COL5A1: variants seen among roughly 807,000 people sequenced by gnomAD.
The protein encoded by COL5A1 is collagen alpha-1(V) chain.
COL5A1 carries 16 observed loss-of-function variants against 263.7 expected under a neutral mutation model. That is an observed-to-expected ratio of 0.06 (90% confidence interval 0.04 to 0.09). COL5A1 has a LOEUF of 0.09. COL5A1 is among the 10% of genes least tolerant of loss of function. COL5A1 has a pLI of 1.00. For missense variants in COL5A1, 2,036 were observed against 2,540.5 expected, an observed-to-expected ratio of 0.80 and a Z score of 4.27; for synonymous variants, 1,012 against 1,004.5, an observed-to-expected ratio of 1.01 and a Z score of -0.14.
At chr9:134,690,885 A>G (rs747690222) in intron 1 of COL5A1, 27 bp from the exon 2 acceptor site, 4 of 1,613,058 alleles carry the variant, frequency 2.5e-6, no homozygotes, top group Non-Finnish European at 3.4e-6. Context: ...CTCCGTGGCT[A>G]ACTCTGCTCC....
At chr9:134,835,881 G>A (rs1839836303) in intron 65 of COL5A1, among the ~76,000 whole-genome samples, 1 of 152,204 alleles carries the variant, frequency 6.6e-6, no homozygotes, top group South Asian at 2.1e-4. Context: ...CATCGCACAG[G>A]TCTGGGATGT....
chr9:134,782,188 C>A (rs971002240), intron 28 of COL5A1, among the ~76,000 whole-genome samples: 1 of 152,236 alleles, frequency 6.6e-6, no homozygotes, highest in East Asian at 1.9e-4. Context: ...CCGGCAACAC[C>A]CCTACCCTTC....
At chr9:134,672,821 G>A (rs924945125) in intron 1 of COL5A1, among the ~76,000 whole-genome samples, 2 of 152,072 alleles carry the variant, frequency 1.3e-5, no homozygotes, top group African/African-American at 4.8e-5. Flanking sequence ...TTAGCATGGC[G>A]ACAGAATACA....
intron 11 of COL5A1, among the ~76,000 whole-genome samples, chr9:134,740,007 A>G (rs1835244237): frequency 6.6e-6 from 1 of 152,162 alleles, no homozygotes; most frequent in Admixed American, 6.5e-5. Context: ...TGGGCCACAC[A>G]GTAAGATTCT....
At chr9:134,701,075 T>G in intron 3 of COL5A1, 96 bp from the exon 4 acceptor site, 1 of 1,258,178 alleles carries the variant, frequency 7.9e-7, no homozygotes, top group Non-Finnish European at 1.1e-6. Flanking sequence ...GTGCAGGAAG[T>G]GGGCCTTCTT....
intron 52 of COL5A1, among the ~76,000 whole-genome samples, chr9:134,816,812 G>A (rs1013190677): frequency 6.6e-6 from 1 of 152,230 alleles, no homozygotes; most frequent in African/African-American, 2.4e-5. Flanking sequence ...CTTCCAAAAT[G>A]CAGAAAACCC....
chr9:134,658,023 C>G (rs1564370551), intron 1 of COL5A1, among the ~76,000 whole-genome samples: 2 of 151,948 alleles, frequency 1.3e-5, no homozygotes, highest in African/African-American at 2.4e-5. Context: ...CTATGGCGGA[C>G]TGCACTCGGA....
intron 4 of COL5A1, among the ~76,000 whole-genome samples, chr9:134,710,983 G>A (rs1333506081): frequency 1.4e-5 from 2 of 139,692 alleles, no homozygotes; most frequent in African/African-American, 5.4e-5. Context: ...TGGGGGAGGG[G>A]CCCCGTTTGT....
Position 134,824,722 on chromosome 9 carries a change from C to T in COL5A1, c.4821C>T (p.Gly1607=). 1 of 1,614,236 alleles carries T rather than the reference C, an allele frequency of 6.2e-7. No homozygotes were observed. The highest frequency in any genetic ancestry group is 8.5e-7 in the Non-Finnish European group (1 of 1,180,056). The change falls in exon 62 of 66, where the codon GGC becomes GGT. Residue 1607 remains glycine (G), a synonymous_variant. Coordinates refer to ENST00000371817, the MANE Select transcript of COL5A1 (RefSeq NM_000093.5). ...NGENYVDYAD[G]MEEIFGSLNS... ...AGAACTACGTGGACTACGCGGACGG[C>T]ATGGAAGAGATCTTCGGCTCTCTCA...
intron 1 of COL5A1, among the ~76,000 whole-genome samples, chr9:134,676,705 C>CCA (rs1554777802): frequency 1.9e-4 from 29 of 152,220 alleles, no homozygotes; most frequent in South Asian, 4.2e-4. Context: ...CCTTTATTTG[C>CCA]TGGTGGGGGT....
At chr9:134,782,553 C>A in intron 28 of COL5A1, 114 bp from the exon 29 acceptor site, 2 of 978,592 alleles carry the variant, frequency 2.0e-6, no homozygotes, top group African/African-American at 1.6e-5. Flanking sequence ...CCATGTGCTG[C>A]CCCCCAAGCG....
intron 18 of COL5A1, among the ~76,000 whole-genome samples, chr9:134,760,754 C>T (rs1252497104): frequency 2.2e-5 from 3 of 138,192 alleles, no homozygotes; most frequent in Admixed American, 7.2e-5. Context: ...GCACACACAC[C>T]CCACACATAC....
chr9:134,752,718 G>A (rs1564432762), intron 14 of COL5A1, 73 bp downstream of exon 14: 19 of 1,215,078 alleles, frequency 1.6e-5, no homozygotes, highest in Non-Finnish European at 2.3e-5. Context: ...TTGGCGGACA[G>A]TGGCAGGTGG....
At chr9:134,766,397 G>C in intron 21 of COL5A1, 57 bp from the exon 22 acceptor site, 1 of 1,554,438 alleles carries the variant, frequency 6.4e-7, no homozygotes, top group Non-Finnish European at 8.9e-7. Context: ...TTCCTCTTGA[G>C]CACTGTGAGT....
chr9:134,725,277 C>G (rs764388400), intron 4 of COL5A1, among the ~76,000 whole-genome samples: 1 of 152,178 alleles, frequency 6.6e-6, no homozygotes, highest in Admixed American at 6.5e-5. Context: ...CACAGGTCCT[C>G]GGTTTCCTCT....
chr9:134,818,886 T>C lies in COL5A1; in HGVS notation c.4377T>C (p.Gly1459=), dbSNP rs1186870099. 11 of 1,612,356 alleles carry C rather than the reference T, an allele frequency of 6.8e-6. No individual in the cohort carries two copies. In the South Asian group the frequency reaches 9.9e-5, roughly 14 times the overall value. ...QGLPGSPGPD[G]PPGPMGPPGL... ...TCCCAGGATCCCCAGGCCCGGACGGTCCCCCCGGCCCCATGGTGAGTCACA... is the reference window on the plus strand; with the variant it reads ...TCCCAGGATCCCCAGGCCCGGACGGCCCCCCCGGCCCCATGGTGAGTCACA... The change falls in exon 56 of 66, where the codon GGT becomes GGC. Residue 1459 remains glycine (G), a synonymous_variant. Coordinates refer to ENST00000371817, the MANE Select transcript of COL5A1 (RefSeq NM_000093.5). The surrounding 1 kb of genome is among the most constrained non-coding windows in gnomAD (Gnocchi z 6.0).
intron 9 of COL5A1, chr9:134,732,362 A>C (rs1834921474): frequency 1.6e-6 from 1 of 620,456 alleles, no homozygotes; most frequent in African/African-American, 1.8e-5. Flanking sequence ...ATAGGTGCTG[A>C]TCAAAGCCGG....
chr9:134,789,775 T>G lies in COL5A1; in HGVS notation c.2700+567T>G, dbSNP rs769554878. On this transcript the variant is annotated intron_variant, in intron 32 of 65. Coordinates refer to ENST00000371817, the MANE Select transcript of COL5A1 (RefSeq NM_000093.5). The surrounding 1 kb of genome is among the most constrained non-coding windows in gnomAD (Gnocchi z 4.8). ...CGGGCTGAGGGAGCTGTGTTCTCCC[T>G]GCACCTTCTGGAGCCCCCGCTGGCC... is the stretch of plus-strand genomic sequence containing the variant. Among the ~76,000 whole-genome samples, 45 of 152,220 alleles carry G rather than the reference T, an allele frequency of 3.0e-4. No individual in the cohort carries two copies. Among genetic ancestry groups the G allele is most frequent in the Non-Finnish European group, 5.7e-4 (39 of 68,034 alleles).
At chr9:134,836,632 G>A (rs1208579434) in intron 65 of COL5A1, among the ~76,000 whole-genome samples, 2 of 152,218 alleles carry the variant, frequency 1.3e-5, no homozygotes, top group Admixed American at 1.3e-4. Context: ...GAGAGTGCAA[G>A]GCCTGTCTGT....
Sources: gnomAD v4.1 joint callset for allele counts (sites outside exome capture counted in the v4.1 genomes callset) on GRCh38, gnomAD v4.1.1 for gene constraint, Gnocchi (gnomAD v3.1) non-coding constraint, MANE v1.5 for transcripts, NCBI Gene and HGNC (gene_info 2026-07-23, HGNC 2026-07-21) for gene names.